GPR78: variants seen among roughly 807,000 people sequenced by gnomAD.
GPR78 encodes G protein-coupled receptor 78.
Under a neutral mutation model 17.9 loss-of-function variants are expected in GPR78, and 29 were observed. That is an observed-to-expected ratio of 1.62 (90% confidence interval 1.20 to 2.21). GPR78 has a LOEUF of 2.21. GPR78 is among the 30% of genes most tolerant of loss of function. The pLI, the probability that GPR78 is intolerant of heterozygous loss-of-function variation, is 0.00. For missense variants in GPR78, 649 were observed against 530.5 expected (o/e 1.22, Z -2.19); for synonymous variants, 349 against 256.9 (o/e 1.36, Z -3.43).
chr4:8,583,904 T>C (rs1713394422), intron 2 of GPR78, among the ~76,000 whole-genome samples: 1 of 152,188 alleles, frequency 6.6e-6, no homozygotes, highest in Non-Finnish European at 1.5e-5. Flanking sequence ...TCCTCCTTCC[T>C]CACATAAAAC....
In GPR78 at chr4:8,589,526, G is replaced by C. The variant is rs1013127059; in HGVS notation, c.*2163G>C. ...GGCACGTGCACAGCAGAAGCAGGTTGTTCCCCATTTAAAGTTCTGGAGCCC... is the reference window on the plus strand; with the variant it reads ...GGCACGTGCACAGCAGAAGCAGGTTCTTCCCCATTTAAAGTTCTGGAGCCC... On this transcript the variant is annotated 3_prime_UTR_variant, in exon 3 of 3. Coordinates refer to ENST00000382487, the MANE Select transcript of GPR78 (RefSeq NM_080819.5). Among the ~76,000 whole-genome samples, 18 of 152,182 alleles carry C rather than the reference G, an allele frequency of 1.2e-4. No individual in the cohort carries two copies. Among genetic ancestry groups the C allele is most frequent in the Non-Finnish European group, 1.5e-5 (1 of 68,034 alleles).
In GPR78 at chr4:8,581,210, C is replaced by T. The variant is rs1320059794; in HGVS notation, c.228C>T (p.Pro76=). The stretch of plus-strand genomic sequence containing the variant: ...TGCGCGGGCGGACACCGTCGGCGCC[C>T]GGCGCATGCCAAGTCATTGGCTTCC... The part of the protein sequence containing the change: ...GVMRGRTPSA[P]GACQVIGFLD... Residue 76 remains proline (P), a synonymous_variant, in exon 1 of 3, where the codon CCC becomes CCT. Transcript: ENST00000382487. 8 of 1,598,884 alleles carry T rather than the reference C, an allele frequency of 5.0e-6. No individual in the cohort carries two copies. The highest frequency in any genetic ancestry group is 1.7e-4 in the Middle Eastern group (1 of 5,930).
chr4:8,583,938 G>A (rs9683869), intron 2 of GPR78, among the ~76,000 whole-genome samples: 13,249 of 152,262 alleles, frequency 0.087, 1,320 homozygotes, highest in African/African-American at 0.24. Context: ...CTGGTTCTTA[G>A]GAAACTTCAT....
rs9799807 is a variant in GPR78 at position 8,587,555 on chromosome 4, G to T, written c.*192G>T. 7.3e-5 allele frequency: 47 copies of T among 641,862 alleles called. No individual in the cohort carries two copies. The East Asian group carries it at 9.1e-4, about 12-fold the overall frequency. The allele number at this position is 641,862 out of a possible 1,614,324, so 39.8% of individuals were successfully genotyped here. ...CAGCAGTAGTGGCGGAGGAGAGCTC[G>T]GGGCTGGGCTGCCTGGCTGCTGGGT... On this transcript the variant is annotated 3_prime_UTR_variant, in exon 3 of 3. Transcript: ENST00000382487.
chr4:8,580,857 A>T lies in GPR78; in HGVS notation c.-126A>T. 3.2e-6 allele frequency: 3 copies of T among 923,430 alleles called. No individual in the cohort carries two copies. The highest frequency in any genetic ancestry group is 4.7e-6 in the Non-Finnish European group (3 of 634,160). The allele number at this position is 923,430 out of a possible 1,614,324, so 57.2% of individuals were successfully genotyped here. A position where few individuals can be genotyped will look rare whatever the true frequency, so the allele number is the denominator to read the frequency against. On this transcript the variant is annotated 5_prime_UTR_variant, in exon 1 of 3. Coordinates refer to ENST00000382487, the MANE Select transcript of GPR78 (RefSeq NM_080819.5). Reference sequence around the variant, plus strand: ...TCCTCGCGCTGCTCTGGACCTTGCTAGCCGGCTCTGCACCTCCCAGAAGCC... The same window carrying T: ...TCCTCGCGCTGCTCTGGACCTTGCTTGCCGGCTCTGCACCTCCCAGAAGCC...
At position 8,581,400 on chromosome 4, in the gene GPR78, G is replaced by T. The variant is rs1224850260; in HGVS notation, c.418G>T (p.Ala140Ser). The change falls in exon 1 of 3, where the codon GCT becomes TCT. Residue 140 changes from alanine to serine, a missense_variant. Ala to Ser is a moderately conservative substitution (Grantham distance 99). Transcript: ENST00000382487. ...AWGQSLAFSGAALGCSWLGYS... is the reference protein window; with the variant it reads ...AWGQSLAFSGSALGCSWLGYS... ...GGGACAGTCGCTGGCCTTCTCAGGC[G>T]CTGCACTTGGCTGCTCGTGGCTTGG... is the stretch of plus-strand genomic sequence containing the variant. The T allele has an allele frequency of 1.3e-6, 2 of 1,585,922 alleles. No homozygotes were observed. Among genetic ancestry groups the T allele is most frequent in the South Asian group, 2.2e-5 (2 of 89,504 alleles).
In GPR78 at chr4:8,581,073, G is replaced by A. The variant is rs777644783; in HGVS notation, c.91G>A (p.Ala31Thr). ...CAACGCACTGGTGCTGCTTTGTTGC[G>A]CCTACAGCGCTGAGCTCCGCACTCG... ...LSNALVLLCC[A>T]YSAELRTRAS... The change falls in exon 1 of 3, where the codon GCC becomes ACC. Residue 31 changes from alanine to threonine, a missense_variant. Physicochemically the swap from Ala to Thr is moderately conservative, Grantham distance 58. Coordinates refer to ENST00000382487, the MANE Select transcript of GPR78 (RefSeq NM_080819.5). 2.9e-5 allele frequency: 47 copies of A among 1,605,886 alleles called. No homozygotes were observed. The highest frequency in any genetic ancestry group is 3.5e-5 in the Non-Finnish European group (41 of 1,179,016).
chr4:8,582,713 T>C lies in GPR78; in HGVS notation c.782+69T>C, dbSNP rs956669045. The C allele has an allele frequency of 4.9e-6, 5 of 1,026,854 alleles. No homozygotes were observed. The African/African-American group carries it at 7.8e-5, about 16-fold the overall frequency. The allele number at this position is 1,026,854 out of a possible 1,614,324, so 63.6% of individuals were successfully genotyped here. The stretch of plus-strand genomic sequence containing the variant: ...GGGCTTGGCCTCAGTTGAGTAGGCC[T>C]CTGAGGTTTCCCAGCAAGATATCTG... On this transcript the variant is annotated intron_variant, in intron 2 of 2. Transcript: ENST00000382487.
At chr4:8,582,218 C>G (rs920109062) in intron 1 of GPR78, among the ~76,000 whole-genome samples, 1 of 152,130 alleles carries the variant, frequency 6.6e-6, no homozygotes, top group Non-Finnish European at 1.5e-5. Context: ...CACGTGACTT[C>G]TCCCTCCTTG....
chr4:8,587,521 G>C lies in GPR78; in HGVS notation c.*158G>C. 1.3e-6 allele frequency: 1 copy of C among 751,186 alleles called. No individual in the cohort carries two copies. The highest frequency in any genetic ancestry group is 2.7e-5 in the East Asian group (1 of 37,136). The allele number at this position is 751,186 out of a possible 1,614,324, so 46.5% of individuals were successfully genotyped here. A position where few individuals can be genotyped will look rare whatever the true frequency, so the allele number is the denominator to read the frequency against. On this transcript the variant is annotated 3_prime_UTR_variant, in exon 3 of 3. Coordinates refer to ENST00000382487, the MANE Select transcript of GPR78 (RefSeq NM_080819.5). ...GGAGGAGGAGGAGAGGGCCGGATGT[G>C]GGTGTGGACAGCAGTAGTGGCGGAG...
At position 8,580,648 on chromosome 4, in the gene GPR78, C is replaced by A. The variant is rs1347487665; in HGVS notation, c.-335C>A. 2.2e-5 allele frequency: 9 copies of A among 416,364 alleles called. No individual in the cohort carries two copies. The South Asian group carries it at 4.6e-4, about 21-fold the overall frequency. 25.8% of individuals were successfully genotyped at this position (416,364 alleles called of 1,614,324 possible). A position where few individuals can be genotyped will look rare whatever the true frequency, so the allele number is the denominator to read the frequency against. On this transcript the variant is annotated 5_prime_UTR_variant, in exon 1 of 3. Coordinates refer to ENST00000382487, the MANE Select transcript of GPR78 (RefSeq NM_080819.5). ...GTGTTAGGAAAGAGACCTCCCTCGC[C>A]CCTACGCCCCGCGCCCCTGCGCCTC...
chr4:8,582,570 C>A lies in GPR78; in HGVS notation c.708C>A (p.Arg236=). The change falls in exon 2 of 3, where the codon CGC becomes CGA. Residue 236 remains arginine, a synonymous_variant. Transcript: ENST00000382487. ...GCCTCATCCAGCAGAAGCGGCGCCGCCACCGCGCCACCAGGAAGATTGGCA... is the reference window on the plus strand; with the variant it reads ...GCCTCATCCAGCAGAAGCGGCGCCGACACCGCGCCACCAGGAAGATTGGCA... ...QRCLIQQKRR[R]HRATRKIGIA... The A allele has an allele frequency of 6.2e-7, 1 of 1,612,316 alleles. No homozygotes were observed. Among genetic ancestry groups the A allele is most frequent in the Non-Finnish European group, 8.5e-7 (1 of 1,179,860 alleles).
intron 2 of GPR78, among the ~76,000 whole-genome samples, chr4:8,585,052 T>C (rs576421305): frequency 6.6e-6 from 1 of 152,308 alleles, no homozygotes; most frequent in South Asian, 2.1e-4. Flanking sequence ...TTATTTTGTT[T>C]CTTGGTTGTC....
intron 2 of GPR78, among the ~76,000 whole-genome samples, chr4:8,585,096 A>G (rs547002203): frequency 2.6e-4 from 40 of 152,324 alleles, no homozygotes; most frequent in Middle Eastern, 6.8e-3. Flanking sequence ...TCAGTCGTGC[A>G]GATGAAGCCC....
At chr4:8,586,172 G>A (rs908562761) in intron 2 of GPR78, among the ~76,000 whole-genome samples, 1 of 152,148 alleles carries the variant, frequency 6.6e-6, no homozygotes, top group African/African-American at 2.4e-5. Flanking sequence ...GCCTTGTCCT[G>A]ACTCCATGGC....
intron 2 of GPR78, among the ~76,000 whole-genome samples, chr4:8,585,021 G>A (rs1713443869): frequency 6.6e-6 from 1 of 152,248 alleles, no homozygotes; most frequent in African/African-American, 2.4e-5. Context: ...GCAGGTAAAG[G>A]AGATGGGGGA....
chr4:8,582,799 G>C (rs1713352364), intron 2 of GPR78, 155 bp downstream of exon 2: 1 of 608,726 alleles, frequency 1.6e-6, no homozygotes, highest in Non-Finnish European at 3.0e-6. Context: ...CTGTGCTTCA[G>C]CTCCTGGGAA....
rs748915962 is a variant in GPR78 at position 8,581,355 on chromosome 4, C to T, written c.373C>T (p.Leu125=). 2 of 1,579,748 alleles carry T rather than the reference C, an allele frequency of 1.3e-6. No individual in the cohort carries two copies. The highest frequency in any genetic ancestry group is 1.7e-6 in the Non-Finnish European group (2 of 1,168,974). ...ACGCCTGCGACCGCGCTATGCCGGC[C>T]TGCTGCTGGGCTGTGCCTGGGGACA... ...AGRLRPRYAG[L]LLGCAWGQSL... The change falls in exon 1 of 3, where the codon CTG becomes TTG. Residue 125 remains leucine, a synonymous_variant. Coordinates refer to ENST00000382487, the MANE Select transcript of GPR78 (RefSeq NM_080819.5).
At chr4:8,586,806 C>T (rs940291539) in intron 2 of GPR78, among the ~76,000 whole-genome samples, 1 of 152,204 alleles carries the variant, frequency 6.6e-6, no homozygotes, top group African/African-American at 2.4e-5. Context: ...GTGCTGCCAC[C>T]TACTGAGCAC....
Sources: gnomAD v4.1 joint callset for allele counts (sites outside exome capture counted in the v4.1 genomes callset) on GRCh38, gnomAD v4.1.1 for gene constraint, MANE v1.5 for transcripts, NCBI Gene and HGNC (gene_info 2026-07-23, HGNC 2026-07-21) for gene names.